KCNIP4: variants seen among roughly 807,000 people sequenced by gnomAD.
KCNIP4 encodes potassium voltage-gated channel interacting protein 4, also known as Kv channel-interacting protein 4.
Under a neutral mutation model 34.0 loss-of-function variants are expected in KCNIP4, and 12 were observed. The ratio of observed to expected loss-of-function variants is 0.35; its 90% CI spans 0.23 to 0.57. The LOEUF (loss-of-function observed/expected upper bound fraction) is 0.57. KCNIP4 is among the 20% of genes least tolerant of loss of function. KCNIP4 has a pLI of 0.83. For missense variants in KCNIP4, 238 were observed against 311.7 expected (o/e 0.76, Z 1.78); for synonymous variants, 124 against 102.2 (o/e 1.21, Z -1.29).
chr4:21,007,150 A>G (rs949587196), intron 1 of KCNIP4, among the ~76,000 whole-genome samples: 1 of 152,194 alleles, frequency 6.6e-6, no homozygotes, highest in African/African-American at 2.4e-5. Context: ...CAGGTCTGGG[A>G]ATGGGGATTG....
chr4:20,732,758 A>G lies in KCNIP4; in HGVS notation c.565T>C (p.Tyr189His). 6.2e-7 allele frequency: 1 copy of G among 1,610,384 alleles called. No individual in the cohort carries two copies. The highest frequency in any genetic ancestry group is 8.5e-7 in the Non-Finnish European group (1 of 1,176,934). ...TATGTACATTTACCCATCATATCGT[A>G]TATTGCTTTCATTATATCAAGCATT... ...EEMLDIMKAI[Y>H]DMMGKCTYPV... Residue 189 changes from tyrosine (Y) to histidine (H), a missense_variant, in exon 7 of 9, where the codon TAC becomes CAC. By Grantham distance (83) the Tyr-to-His change is moderately conservative. Coordinates refer to ENST00000382152, the MANE Select transcript of KCNIP4 (RefSeq NM_025221.6).
intron 1 of KCNIP4, among the ~76,000 whole-genome samples, chr4:21,057,660 GC>G (rs1743540741): frequency 6.6e-6 from 1 of 152,090 alleles, no homozygotes; most frequent in East Asian, 1.9e-4. Context: ...TTTTGAAATG[GC>G]CCCAAAATAA....
intron 1 of KCNIP4, among the ~76,000 whole-genome samples, chr4:21,825,387 C>T (rs1722615893): frequency 6.6e-6 from 1 of 152,068 alleles, no homozygotes; most frequent in African/African-American, 2.4e-5. Context: ...TAACTGCTTC[C>T]TCACACATCA....
chr4:21,740,879 A>T (rs951462730), intron 1 of KCNIP4, among the ~76,000 whole-genome samples: 1 of 152,192 alleles, frequency 6.6e-6, no homozygotes, highest in East Asian at 1.9e-4. Context: ...TGGTCAAGAA[A>T]AGAAAATATG....
chr4:20,771,289 C>T (rs746730126), intron 3 of KCNIP4, among the ~76,000 whole-genome samples: 11 of 152,178 alleles, frequency 7.2e-5, no homozygotes, highest in Non-Finnish European at 1.5e-4. Flanking sequence ...ATTTCTGTCA[C>T]CTACTAAATT....
At chr4:21,329,132 G>A (rs1040551596) in intron 1 of KCNIP4, among the ~76,000 whole-genome samples, 4 of 152,224 alleles carry the variant, frequency 2.6e-5, no homozygotes, top group Admixed American at 2.6e-4. Flanking sequence ...ATTTCAATAA[G>A]TGCTAAGTCT....
chr4:21,863,031 T>G (rs1725186577), intron 1 of KCNIP4, among the ~76,000 whole-genome samples: 1 of 152,076 alleles, frequency 6.6e-6, no homozygotes, highest in Non-Finnish European at 1.5e-5. Flanking sequence ...TTTCCCATAC[T>G]TTGGTACTGT....
At chr4:21,822,699 A>C (rs1722428206) in intron 1 of KCNIP4, among the ~76,000 whole-genome samples, 1 of 149,246 alleles carries the variant, frequency 6.7e-6, no homozygotes, top group South Asian at 2.1e-4. Context: ...TTACCAGTAC[A>C]AAGTATATTA....
chr4:21,772,891 T>G (rs1190002603), intron 1 of KCNIP4, among the ~76,000 whole-genome samples: 1 of 152,208 alleles, frequency 6.6e-6, no homozygotes, highest in Non-Finnish European at 1.5e-5. Context: ...GTTTATTTCT[T>G]GGAGGGTTTT....
intron 1 of KCNIP4, among the ~76,000 whole-genome samples, chr4:21,105,898 T>A (rs1748473737): frequency 6.6e-6 from 1 of 151,604 alleles, no homozygotes; most frequent in Non-Finnish European, 1.5e-5. Flanking sequence ...TGGATTACAT[T>A]TATTGATTTG....
chr4:20,807,021 T>G (rs1463986407), intron 3 of KCNIP4, among the ~76,000 whole-genome samples: 1 of 152,128 alleles, frequency 6.6e-6, no homozygotes, highest in Non-Finnish European at 1.5e-5. Flanking sequence ...AGATGAGAAT[T>G]CTGCTCCATA....
At chr4:21,687,198 T>C (rs952202400) in intron 1 of KCNIP4, among the ~76,000 whole-genome samples, 18 of 138,886 alleles carry the variant, frequency 1.3e-4, no homozygotes, top group South Asian at 2.7e-4. Flanking sequence ...AGGGATAGCA[T>C]TGGGAGATAT....
intron 1 of KCNIP4, among the ~76,000 whole-genome samples, chr4:20,965,826 T>C (rs895449818): frequency 6.6e-6 from 1 of 152,226 alleles, no homozygotes; most frequent in Non-Finnish European, 1.5e-5. Context: ...TTATTGTTGA[T>C]GCATTGTAGA....
At chr4:21,005,139 AAAACAAAC>A in intron 1 of KCNIP4, among the ~76,000 whole-genome samples, 1 of 152,304 alleles carries the variant, frequency 6.6e-6, no homozygotes, top group African/African-American at 2.4e-5. Context: ...GTTCCTTGTA[AAAACAAAC>A]AAACAAACAA....
chr4:21,227,640 G>T (rs1250286669), intron 1 of KCNIP4, among the ~76,000 whole-genome samples: 1 of 151,922 alleles, frequency 6.6e-6, no homozygotes, highest in African/African-American at 2.4e-5. Flanking sequence ...TGCCCAAGTG[G>T]TCAGCCTAAA....
intron 1 of KCNIP4, among the ~76,000 whole-genome samples, chr4:21,509,608 T>C (rs1286128567): frequency 1.3e-5 from 2 of 152,116 alleles, no homozygotes; most frequent in African/African-American, 4.8e-5. Flanking sequence ...TGAGCCATTA[T>C]CCAAAAACAA....
intron 1 of KCNIP4, among the ~76,000 whole-genome samples, chr4:21,146,354 C>T (rs1227398883): frequency 2.0e-5 from 3 of 151,860 alleles, no homozygotes; most frequent in East Asian, 3.9e-4. Context: ...GCAGAGATCA[C>T]GCCATTGCAC....
chr4:21,466,763 C>A (rs945260572), intron 1 of KCNIP4, among the ~76,000 whole-genome samples: 8 of 152,054 alleles, frequency 5.3e-5, no homozygotes, highest in African/African-American at 1.9e-4. Context: ...TATAGAAAAT[C>A]AACATACTTT....
chr4:21,794,500 AC>A (rs1720503466), intron 1 of KCNIP4, among the ~76,000 whole-genome samples: 1 of 152,188 alleles, frequency 6.6e-6, no homozygotes. Flanking sequence ...AATAACTGCA[AC>A]ACGAGGGATG....
Sources: allele counts gnomAD v4.1 joint callset (sites outside exome capture counted in the v4.1 genomes callset), GRCh38; gene constraint gnomAD v4.1.1; transcripts MANE v1.5; gene names NCBI Gene and HGNC (gene_info 2026-07-23, HGNC 2026-07-21).